ZNF347: variants seen among roughly 807,000 people sequenced by gnomAD.
The protein encoded by ZNF347 is CTD-2620I22.7.
In ZNF347, 19 loss-of-function variants were observed where a neutral mutation model predicts 12.9. The ratio of observed to expected loss-of-function variants is 1.47; its 90% CI spans 1.03 to 2.16. ZNF347 has a LOEUF of 2.16. Ranked by LOEUF, ZNF347 falls within the 30% of genes most tolerant of loss-of-function variation. The pLI, the probability that ZNF347 is intolerant of heterozygous loss-of-function variation, is 0.00. For synonymous variants in ZNF347, 328 were observed against 340.6 expected (o/e 0.96, Z 0.41); for missense variants, 1,005 against 990.6 (o/e 1.01, Z -0.19).
At position 53,141,619 on chromosome 19, in the gene ZNF347, A is replaced by C; in HGVS notation, c.1209T>G (p.Cys403Trp). 6.2e-7 allele frequency: 1 copy of C among 1,614,066 alleles called. No individual in the cohort carries two copies. Among genetic ancestry groups the C allele is most frequent in the African/African-American group, 1.3e-5 (1 of 75,038 alleles). Residue 403 changes from cysteine (C) to tryptophan (W), a missense_variant, in exon 5 of 5, where the codon TGT (cysteine) becomes TGG (tryptophan). Cys to Trp is a radical substitution (Grantham distance 215). Transcript: ENST00000334197. ...GAGTGAAGACCTTGCCACATTCATT[A>C]CATTTGTAAGGTTTTTCTCCACTGT... ...ATHSGEKPYK[C>W]NECGKVFTQN...
chr19:53,156,554 C>G (rs1489044196), intron 1 of ZNF347, among the ~76,000 whole-genome samples: 1 of 152,176 alleles, frequency 6.6e-6, no homozygotes, highest in Non-Finnish European at 1.5e-5. Flanking sequence ...TTAACCCCTC[C>G]TCGGCTTTGA....
intron 2 of ZNF347, 21 bp downstream of exon 2, chr19:53,153,712 C>T: frequency 6.2e-7 from 1 of 1,612,650 alleles, no homozygotes; most frequent in South Asian, 1.1e-5. Flanking sequence ...ACAGAACAAT[C>T]CACTGATAAT....
intron 4 of ZNF347, among the ~76,000 whole-genome samples, chr19:53,146,025 G>GA (rs1432755187): frequency 2.0e-5 from 3 of 151,792 alleles, no homozygotes; most frequent in African/African-American, 7.3e-5. Flanking sequence ...GCCTGGGCTG[G>GA]AATGCAGTGG....
intron 4 of ZNF347, among the ~76,000 whole-genome samples, chr19:53,143,473 C>T (rs1238741031): frequency 1.1e-3 from 161 of 145,170 alleles, no homozygotes; most frequent in African/African-American, 3.6e-3. Context: ...TGAGAACATG[C>T]GGTGTTTGGT....
chr19:53,139,931 G>T lies in ZNF347; in HGVS notation c.*377C>A. On this transcript the variant is annotated 3_prime_UTR_variant, in exon 5 of 5. Transcript: ENST00000334197. Reference sequence around the variant, plus strand: ...TTTTTTTCCTTTAAGATGGAGTTTTGCTCTTTTTGCCCAGGATGGAGTGCA... The same window carrying T: ...TTTTTTTCCTTTAAGATGGAGTTTTTCTCTTTTTGCCCAGGATGGAGTGCA... The T allele has an allele frequency of 2.4e-5, 4 of 164,068 alleles. No homozygotes were observed. The highest frequency in any genetic ancestry group is 6.0e-5 in the Admixed American group (1 of 16,652). The allele number at this position is 164,068 out of a possible 1,614,324, so 10.2% of individuals were successfully genotyped here.
chr19:53,157,168 T>A (rs2090541178), intron 1 of ZNF347, among the ~76,000 whole-genome samples: 2 of 152,198 alleles, frequency 1.3e-5, no homozygotes, highest in African/African-American at 4.8e-5. Flanking sequence ...CTAATACTAA[T>A]AATTGTCAAA....
At chr19:53,146,075 G>T (rs142916526) in intron 4 of ZNF347, among the ~76,000 whole-genome samples, 1 of 151,362 alleles carries the variant, frequency 6.6e-6, no homozygotes, top group Non-Finnish European at 1.5e-5. Context: ...TCCCAAGTTC[G>T]AGAGATTCCC....
Position 53,152,358 on chromosome 19 carries a change from G to A in ZNF347, c.15+1375C>T, listed in dbSNP as rs568550812. On this transcript the variant is annotated intron_variant, in intron 2 of 4. Coordinates refer to ENST00000334197, the MANE Select transcript of ZNF347 (RefSeq NM_032584.3). ...ATGGTGGCTCACGCCTGTAATCCCA[G>A]CGTTTTGGGAGGCCAAGGTGGGCTG... Among the ~76,000 whole-genome samples, 28 of 152,206 alleles carry A rather than the reference G, an allele frequency of 1.8e-4. No homozygotes were observed. In the South Asian group the frequency reaches 5.6e-3, roughly 30 times the overall value.
intron 4 of ZNF347, 83 bp downstream of exon 4, chr19:53,148,598 T>C: frequency 1.4e-6 from 2 of 1,472,554 alleles, no homozygotes; most frequent in South Asian, 2.8e-5. Context: ...AAACTTGTTT[T>C]CCCACAGAAC....
At position 53,149,302 on chromosome 19, in the gene ZNF347, G is replaced by A. The variant is rs201753900; in HGVS notation, c.81C>T (p.Pro27=). 58 of 1,613,924 alleles carry A rather than the reference G, an allele frequency of 3.6e-5. No individual in the cohort carries two copies. The highest frequency in any genetic ancestry group is 1.6e-4 in the Middle Eastern group (1 of 6,062). The change falls in exon 3 of 5, where the codon CCC becomes CCT. Residue 27 remains proline (P), a synonymous_variant. Coordinates refer to ENST00000334197, the MANE Select transcript of ZNF347 (RefSeq NM_032584.3). Reference sequence around the variant, plus strand: ...CGTCCCTGTACAAAGTCCTCTGAGCGGGGTCCAGGCATGTCCACTCCTCCT... The same window carrying A: ...CGTCCCTGTACAAAGTCCTCTGAGCAGGGTCCAGGCATGTCCACTCCTCCT... ...FSQEEWTCLD[P]AQRTLYRDVM... is the part of the protein sequence containing the mutation.
At chr19:53,153,282 A>T (rs965221842) in intron 2 of ZNF347, among the ~76,000 whole-genome samples, 2 of 152,174 alleles carry the variant, frequency 1.3e-5, no homozygotes, top group South Asian at 2.1e-4. Flanking sequence ...TGAGCTTCAA[A>T]TGTAATGTAA....
chr19:53,146,936 T>G (rs1337563075), intron 4 of ZNF347, among the ~76,000 whole-genome samples: 8 of 152,040 alleles, frequency 5.3e-5, no homozygotes, highest in Non-Finnish European at 1.2e-4. Flanking sequence ...ACCAAACACT[T>G]GAAGAAGAAC....
Position 53,140,208 on chromosome 19 carries a change from C to T in ZNF347, c.*100G>A. 8.1e-7 allele frequency: 1 copy of T among 1,227,074 alleles called. No homozygotes were observed. Among genetic ancestry groups the T allele is most frequent in the South Asian group, 1.5e-5 (1 of 65,972 alleles). The allele number at this position is 1,227,074 out of a possible 1,614,324, so 76.0% of individuals were successfully genotyped here. A position where few individuals can be genotyped will look rare whatever the true frequency, so the allele number is the denominator to read the frequency against. Reference sequence around the variant, plus strand: ...AGCCACTGCACCCAGCCAGTCATTGCATTTTCAAGGAATCTCTCAGGCATA... The same window carrying T: ...AGCCACTGCACCCAGCCAGTCATTGTATTTTCAAGGAATCTCTCAGGCATA... On this transcript the variant is annotated 3_prime_UTR_variant, in exon 5 of 5. Coordinates refer to ENST00000334197, the MANE Select transcript of ZNF347 (RefSeq NM_032584.3).
At chr19:53,155,878 G>T (rs2090530454) in intron 1 of ZNF347, among the ~76,000 whole-genome samples, 1 of 152,156 alleles carries the variant, frequency 6.6e-6, no homozygotes, top group African/African-American at 2.4e-5. Flanking sequence ...GGTCCTGACA[G>T]GTGGGTGGGC....
rs775600842 is a variant in ZNF347 at position 53,141,544 on chromosome 19, A to T, written c.1284T>A (p.Pro428=). Reference sequence around the variant, plus strand: ...CTTTGCCGCACTCATTACACTTGTAAGGTTTCTCTCCAGTGTGAATTCTCC... The same window carrying T: ...CTTTGCCGCACTCATTACACTTGTATGGTTTCTCTCCAGTGTGAATTCTCC... ...NHWRIHTGEK[P]YKCNECGKAF... is the part of the protein sequence containing the mutation. Residue 428 remains proline, a synonymous_variant, in exon 5 of 5, where the codon CCT becomes CCA. Coordinates refer to ENST00000334197, the MANE Select transcript of ZNF347 (RefSeq NM_032584.3). 4 of 1,613,954 alleles carry T rather than the reference A, an allele frequency of 2.5e-6. No homozygotes were observed. In the Admixed American group the frequency reaches 6.7e-5, roughly 27 times the overall value.
intron 1 of ZNF347, among the ~76,000 whole-genome samples, chr19:53,157,386 CT>C (rs2146818928): frequency 6.6e-6 from 1 of 152,246 alleles, no homozygotes; most frequent in African/African-American, 2.4e-5. Context: ...CTCCCTCATC[CT>C]CTACATAGCT....
chr19:53,145,982 T>A (rs1385818320), intron 4 of ZNF347, among the ~76,000 whole-genome samples: 7 of 151,720 alleles, frequency 4.6e-5, no homozygotes, highest in African/African-American at 1.7e-4. Flanking sequence ...AAAAAAAATT[T>A]TTTTTTTTTT....
At chr19:53,151,368 T>C (rs1230725759) in intron 2 of ZNF347, among the ~76,000 whole-genome samples, 1 of 151,790 alleles carries the variant, frequency 6.6e-6, no homozygotes, top group Non-Finnish European at 1.5e-5. Context: ...ACTCCGTCTC[T>C]ACTAAAAAAA....
In ZNF347 at chr19:53,135,828, T is replaced by C. The variant is rs1258269720; in HGVS notation, c.*4480A>G. ...AAATGTGATTGATATAAAATATATA[T>C]GCAAAGATAAATCACTTATTAAAGA... On this transcript the variant is annotated 3_prime_UTR_variant, in exon 5 of 5. Coordinates refer to ENST00000334197, the MANE Select transcript of ZNF347 (RefSeq NM_032584.3). The C allele has an allele frequency of 6.6e-6, 1 of 152,196 alleles. No homozygotes were observed. Among genetic ancestry groups the C allele is most frequent in the Non-Finnish European group, 1.5e-5 (1 of 68,036 alleles). 9.4% of individuals were successfully genotyped at this position (152,196 alleles called of 1,614,324 possible). A position where few individuals can be genotyped will look rare whatever the true frequency, so the allele number is the denominator to read the frequency against.
Sources: gnomAD v4.1 joint callset for allele counts (sites outside exome capture counted in the v4.1 genomes callset) on GRCh38, gnomAD v4.1.1 for gene constraint, MANE v1.5 for transcripts, NCBI Gene and HGNC (gene_info 2026-07-23, HGNC 2026-07-21) for gene names.